Variants in BPTF observed in about 807,000 individuals in gnomAD.
BPTF encodes the protein nucleosome-remodeling factor subunit BPTF.
In BPTF, 18 loss-of-function variants were observed where a neutral mutation model predicts 292.5. That is an observed-to-expected ratio of 0.06 (90% CI 0.04 to 0.09). The LOEUF (loss-of-function observed/expected upper bound fraction) is 0.09. Among genes scored for constraint, BPTF ranks in the 10% least tolerant of loss-of-function variants. The pLI is 1.00. For synonymous variants in BPTF, 1,225 were observed against 1,251.9 expected, an observed-to-expected ratio of 0.98 and a Z score of 0.45; for missense variants, 2,726 against 3,498.7, an observed-to-expected ratio of 0.78 and a Z score of 5.57.
intron 1 of BPTF, among the ~76,000 whole-genome samples, chr17:67,843,214 G>A (rs149859677): frequency 1.2e-4 from 15 of 125,992 alleles, no homozygotes; most frequent in Admixed American, 1.7e-4. Context: ...GTAGATGTAT[G>A]TAGATATATA....
At chr17:67,871,599 A>T (rs1319958904) in intron 3 of BPTF, among the ~76,000 whole-genome samples, 1 of 151,882 alleles carries the variant, frequency 6.6e-6, no homozygotes, top group Non-Finnish European at 1.5e-5. Flanking sequence ...TATTTGAGGG[A>T]AGTTTATTTT....
Position 67,864,196 on chromosome 17 carries a change from A to C in BPTF, c.1437-2268A>C, listed in dbSNP as rs553689719. 6.6e-5 allele frequency among the ~76,000 whole-genome samples: 10 copies of C among 152,322 alleles called. No homozygotes were observed. The East Asian group carries it at 1.7e-3, about 26-fold the overall frequency. On this transcript the variant is annotated intron_variant, in intron 2 of 27. Transcript: ENST00000306378. ...AATGAGGACAAATAATTTTGATTATATAAACTGTATATAGGCCAAGTAACT... is the reference window on the plus strand; with the variant it reads ...AATGAGGACAAATAATTTTGATTATCTAAACTGTATATAGGCCAAGTAACT...
At chr17:67,961,490 C>T (rs1216194424) in intron 24 of BPTF, among the ~76,000 whole-genome samples, 1 of 152,074 alleles carries the variant, frequency 6.6e-6, no homozygotes, top group African/African-American at 2.4e-5. Context: ...GTGGAGATAA[C>T]ACACAAACTA....
chr17:67,919,154 A>G (rs898554301), intron 12 of BPTF, among the ~76,000 whole-genome samples: 7 of 148,912 alleles, frequency 4.7e-5, no homozygotes, highest in Non-Finnish European at 1.0e-4. Context: ...CCAGTGCGAC[A>G]GAGTGAGACT....
intron 2 of BPTF, among the ~76,000 whole-genome samples, chr17:67,856,923 T>A (rs561138574): frequency 0.025 from 3,814 of 152,044 alleles, 182 homozygotes; most frequent in African/African-American, 0.087. Flanking sequence ...AAGGGGAGAA[T>A]GGTGGTTTAG....
intron 1 of BPTF, among the ~76,000 whole-genome samples, chr17:67,841,779 T>G (rs1234333890): frequency 6.6e-6 from 1 of 152,140 alleles, no homozygotes; most frequent in Non-Finnish European, 1.5e-5. Flanking sequence ...AATTAATGTG[T>G]TTTGGACCAT....
Position 67,826,035 on chromosome 17 carries a change from G to A in BPTF, c.311G>A (p.Gly104Asp), listed in dbSNP as rs1214181782. 2 of 1,200,126 alleles carry A rather than the reference G, an allele frequency of 1.7e-6. No homozygotes were observed. Among genetic ancestry groups the A allele is most frequent in the Non-Finnish European group, 2.1e-6 (2 of 948,648 alleles). 74.3% of individuals were successfully genotyped at this position (1,200,126 alleles called of 1,614,324 possible). ...GGAGGCGGGGGCGGCAGGACGGGGG[G>A]CGGGGGCGGCGGCGGCCACCTGGCC... ...GRGGGGGRTGGGGGGGHLART... is the reference protein window; with the variant it reads ...GRGGGGGRTGDGGGGGHLART... The change falls in exon 1 of 28, where the codon GGC becomes GAC. Residue 104 changes from glycine to aspartate, a missense_variant. Gly to Asp is a moderately conservative substitution (Grantham distance 94). Coordinates refer to ENST00000306378, the MANE Select transcript of BPTF (RefSeq NM_182641.4).
At position 67,911,109 on chromosome 17, in the gene BPTF, A is replaced by T. The variant is rs774551463; in HGVS notation, c.3225A>T (p.Glu1075Asp). The change falls in exon 11 of 28, where the codon GAA becomes GAT. Residue 1075 changes from glutamate (E) to aspartate (D), a missense_variant. Coordinates refer to ENST00000306378, the MANE Select transcript of BPTF (RefSeq NM_182641.4). ...GAATTAAACAGTTTACACTGGAAGAAAAACAGCGACTCGAAAAAATCAAGT... is the reference window on the plus strand; with the variant it reads ...GAATTAAACAGTTTACACTGGAAGATAAACAGCGACTCGAAAAAATCAAGT... ...ERRIKQFTLE[E>D]KQRLEKIKLE... 2.5e-6 allele frequency: 4 copies of T among 1,613,992 alleles called. No homozygotes were observed. In the African/African-American group the frequency reaches 5.3e-5, roughly 22 times the overall value.
Position 67,893,960 on chromosome 17 carries a change from A to G in BPTF, c.2412-74A>G, listed in dbSNP as rs2061285951. 7 of 1,556,914 alleles carry G rather than the reference A, an allele frequency of 4.5e-6. No individual in the cohort carries two copies. In the Admixed American group the frequency reaches 5.4e-5, roughly 12 times the overall value. ...TATACCTGGAATCAGATGGAGGCCA[A>G]AGTTACAACTATTGTGCTTTTAATT... On this transcript the variant is annotated intron_variant, in intron 6 of 27. Coordinates refer to ENST00000306378, the MANE Select transcript of BPTF (RefSeq NM_182641.4).
chr17:67,925,062 T>G (rs572912470), intron 15 of BPTF, among the ~76,000 whole-genome samples: 1 of 151,554 alleles, frequency 6.6e-6, no homozygotes, highest in Non-Finnish European at 1.5e-5. Context: ...TTTTTTTTTT[T>G]TTTTTTTTTT....
At chr17:67,934,596 C>T (rs2064744720) in intron 18 of BPTF, among the ~76,000 whole-genome samples, 2 of 151,772 alleles carry the variant, frequency 1.3e-5, no homozygotes, top group African/African-American at 4.8e-5. Flanking sequence ...GTGAGTACAG[C>T]TGGGTGTGGT....
At chr17:67,836,066 C>T (rs1279013956) in intron 1 of BPTF, among the ~76,000 whole-genome samples, 1 of 152,106 alleles carries the variant, frequency 6.6e-6, no homozygotes, top group South Asian at 2.1e-4. Context: ...TTTGATAATT[C>T]AGAGAATTTC....
chr17:67,882,955 G>A lies in BPTF; in HGVS notation c.1864+7935G>A, dbSNP rs376968442. ...AGAAGTTTCAGTCAACTGAGATCAC[G>A]CCACGCCACTGCACTCCAGCCTGGG... On this transcript the variant is annotated intron_variant, in intron 4 of 27. Transcript: ENST00000306378. Among the ~76,000 whole-genome samples, 5 of 145,544 alleles carry A rather than the reference G, an allele frequency of 3.4e-5. No individual in the cohort carries two copies. In the South Asian group the frequency reaches 1.1e-3, roughly 31 times the overall value.
rs188096301 is a variant in BPTF at position 67,958,348 on chromosome 17, G to A, written c.7927-1193G>A. ...CCCACTCTCAAAAAGAAAAAACAGAGTACAGTAAAGAAGCTGGCCAAAACC... is the reference window on the plus strand; with the variant it reads ...CCCACTCTCAAAAAGAAAAAACAGAATACAGTAAAGAAGCTGGCCAAAACC... On this transcript the variant is annotated intron_variant, in intron 23 of 27. Transcript: ENST00000306378. 1.3e-3 allele frequency among the ~76,000 whole-genome samples: 195 copies of A among 152,046 alleles called. 3 individuals are homozygous for A. The highest frequency in any genetic ancestry group is 1.6e-3 in the Admixed American group (25 of 15,248).
At position 67,944,130 on chromosome 17, in the gene BPTF, A is replaced by G. The variant is rs782228481; in HGVS notation, c.6478-20A>G. On this transcript the variant is annotated intron_variant, in intron 19 of 27. Coordinates refer to ENST00000306378, the MANE Select transcript of BPTF (RefSeq NM_182641.4). ...GATTGATGCTTTGAACACTGTTTAC[A>G]TGTTGTGTTTTTTCCACAGGGTGGC... 2.5e-5 allele frequency: 39 copies of G among 1,575,994 alleles called. No individual in the cohort carries two copies. The South Asian group carries it at 3.8e-4, about 15-fold the overall frequency.
rs114649548 is a variant in BPTF at position 67,837,743 on chromosome 17, A to G, written c.613+11406A>G. On this transcript the variant is annotated intron_variant, in intron 1 of 27. Transcript: ENST00000306378. ...TTTAAATTAACTTTTTCTAGAATCT[A>G]CTAAGGTTTACTCAGACCTTTAGCA... 6.5e-3 allele frequency among the ~76,000 whole-genome samples: 988 copies of G among 152,162 alleles called. 12 individuals are homozygous for G. Among genetic ancestry groups the G allele is most frequent in the African/African-American group, 0.023 (948 of 41,512 alleles).
Position 67,854,559 on chromosome 17 carries a change from A to G in BPTF, c.1233A>G (p.Val411=), listed in dbSNP as rs1453902022. 4 of 1,614,256 alleles carry G rather than the reference A, an allele frequency of 2.5e-6. No homozygotes were observed. The highest frequency in any genetic ancestry group is 3.4e-6 in the Non-Finnish European group (4 of 1,180,042). Reference sequence around the variant, plus strand: ...TTTGCTGTGAGACATGTTCAGCAGTATACCATTTGGAATGTGTGAAGCCAC... The same window carrying G: ...TTTGCTGTGAGACATGTTCAGCAGTGTACCATTTGGAATGTGTGAAGCCAC... ...DLLCCETCSA[V]YHLECVKPPL... The change falls in exon 2 of 28, where the codon GTA becomes GTG. Residue 411 remains valine, a synonymous_variant. Coordinates refer to ENST00000306378, the MANE Select transcript of BPTF (RefSeq NM_182641.4). This position sits in a 1 kb window ranked among gnomAD's most constrained non-coding sequence, Gnocchi z 5.6.
At position 67,904,683 on chromosome 17, in the gene BPTF, A is replaced by G. The variant is rs2062062262; in HGVS notation, c.2674-19A>G. The stretch of plus-strand genomic sequence containing the variant: ...TTGTTATTCTTATTGTTTAATCAAA[A>G]TGTTTTCATTTACACCAGGTTTGGA... On this transcript the variant is annotated intron_variant, in intron 8 of 27. Coordinates refer to ENST00000306378, the MANE Select transcript of BPTF (RefSeq NM_182641.4). 2 of 1,574,336 alleles carry G rather than the reference A, an allele frequency of 1.3e-6. No individual in the cohort carries two copies. Among genetic ancestry groups the G allele is most frequent in the African/African-American group, 2.7e-5 (2 of 74,106 alleles).
chr17:67,857,633 A>C (rs1371018576), intron 2 of BPTF, among the ~76,000 whole-genome samples: 1 of 150,558 alleles, frequency 6.6e-6, no homozygotes, highest in Non-Finnish European at 1.5e-5. Context: ...TGCCCGGCTA[A>C]TTTTTGCATT....
Sources: allele counts gnomAD v4.1 joint callset (sites outside exome capture counted in the v4.1 genomes callset), GRCh38; gene constraint gnomAD v4.1.1; non-coding constraint Gnocchi (gnomAD v3.1); transcripts MANE v1.5; gene names NCBI Gene and HGNC (gene_info 2026-07-23, HGNC 2026-07-21).